LAMB4: variants seen among roughly 807,000 people sequenced by gnomAD.
LAMB4 encodes laminin subunit beta-4.
LAMB4 carries 196 observed loss-of-function variants against 199.2 expected under a neutral mutation model. The observed-to-expected ratio is 0.98, with a 90% CI of 0.88 to 1.11. The LOEUF (loss-of-function observed/expected upper bound fraction) is 1.11. LAMB4 is among the 50% of genes least tolerant of loss of function. The probability of loss-of-function intolerance (pLI) is 0.00; values close to 1 mark genes in which losing one functional copy is unlikely to be tolerated. For missense variants in LAMB4, 2,080 were observed against 2,171.2 expected, an observed-to-expected ratio of 0.96 and a Z score of 0.83; for synonymous variants, 744 against 770.6, an observed-to-expected ratio of 0.97 and a Z score of 0.57.
chr7:108,110,070 C>T (rs1166356453), intron 4 of LAMB4, among the ~76,000 whole-genome samples: 3 of 152,096 alleles, frequency 2.0e-5, no homozygotes, highest in African/African-American at 7.2e-5. Flanking sequence ...CGCTCTGTCC[C>T]CCAGACTGGA....
At position 108,095,233 on chromosome 7, in the gene LAMB4, A is replaced by G. The variant is rs758388070; in HGVS notation, c.1465T>C (p.Cys489Arg). ...AACTATAGGCAAATACATACAGTGCATTCTTCGCAGTGTGCTCCGGTGACA... is the reference window on the plus strand; with the variant it reads ...AACTATAGGCAAATACATACAGTGCGTTCTTCGCAGTGTGCTCCGGTGACA... Reference protein sequence around the residue: ...SYVTGAHCEECTVGYWGLGNH... With the variant: ...SYVTGAHCEERTVGYWGLGNH... Residue 489 changes from cysteine to arginine, a missense_variant, in exon 12 of 34, where the codon TGC (cysteine) becomes CGC (arginine). Cys to Arg is a radical substitution (Grantham distance 180). Transcript: ENST00000388781. 5 of 1,610,882 alleles carry G rather than the reference A, an allele frequency of 3.1e-6. No individual in the cohort carries two copies. In the African/African-American group the frequency reaches 4.0e-5, roughly 13 times the overall value.
At chr7:108,059,752 C>T (rs1339871314) in intron 23 of LAMB4, among the ~76,000 whole-genome samples, 1 of 150,914 alleles carries the variant, frequency 6.6e-6, no homozygotes, top group African/African-American at 2.5e-5. Flanking sequence ...AGATTTTTCT[C>T]ACAAGAGCTG....
At chr7:108,063,281 A>C (rs184787703) in intron 22 of LAMB4, among the ~76,000 whole-genome samples, 168 of 152,248 alleles carry the variant, frequency 1.1e-3, no homozygotes, top group Admixed American at 3.7e-3. Context: ...CCAAAGTTCC[A>C]TTTATTTAAA....
At chr7:108,119,757 T>A (rs1322810632) in intron 2 of LAMB4, among the ~76,000 whole-genome samples, 1 of 152,146 alleles carries the variant, frequency 6.6e-6, no homozygotes, top group Non-Finnish European at 1.5e-5. Flanking sequence ...CACGCACACA[T>A]GAGTACATGT....
In LAMB4 at chr7:108,024,000, C is replaced by A. The variant is rs1487584096; in HGVS notation, c.*39G>T. Reference sequence around the variant, plus strand: ...GCCCCAGGGGCTTGTACATCAGAAACCAGAAACAAAGGCACAAGCTTTTGC... The same window carrying A: ...GCCCCAGGGGCTTGTACATCAGAAAACAGAAACAAAGGCACAAGCTTTTGC... On this transcript the variant is annotated 3_prime_UTR_variant, in exon 34 of 34. Transcript: ENST00000388781. 6.4e-7 allele frequency: 1 copy of A among 1,560,878 alleles called. No homozygotes were observed. The highest frequency in any genetic ancestry group is 8.6e-7 in the Non-Finnish European group (1 of 1,158,156).
intron 20 of LAMB4, among the ~76,000 whole-genome samples, chr7:108,066,139 G>C (rs926165408): frequency 6.6e-6 from 1 of 152,164 alleles, no homozygotes; most frequent in Admixed American, 6.5e-5. Context: ...TGTCACATTT[G>C]AGGAACATAG....
rs1390066489 is a variant in LAMB4, at chr7:108,049,458, G to A, written c.3990C>T (p.Ser1330=). The change falls in exon 27 of 34, where the codon TCC becomes TCT. Residue 1330 remains serine (S), a synonymous_variant. Transcript: ENST00000388781. ...TTGTATTTGCAGAGGTATTAATGGT[G>A]GAACTAGTTTCATTAATTTTCTTTT... ...SAEKKINETS[S]TINTSANTRN... 1.3e-6 allele frequency: 2 copies of A among 1,593,366 alleles called. No homozygotes were observed. The highest frequency in any genetic ancestry group is 1.7e-6 in the Non-Finnish European group (2 of 1,162,194).
At chr7:108,027,398 T>A (rs1189764166) in intron 33 of LAMB4, among the ~76,000 whole-genome samples, 1 of 152,198 alleles carries the variant, frequency 6.6e-6, no homozygotes, top group African/African-American at 2.4e-5. Flanking sequence ...TCTTCTTCAC[T>A]CCCACTGCCT....
At chr7:108,028,499 T>C (rs1584580823) in intron 33 of LAMB4, among the ~76,000 whole-genome samples, 1 of 138,528 alleles carries the variant, frequency 7.2e-6, no homozygotes, top group Admixed American at 7.5e-5. Context: ...TTTTTTGAGA[T>C]GGAGTCTCAC....
At chr7:108,076,903 T>C (rs772053913) in intron 17 of LAMB4, 41 bp downstream of exon 17, 5 of 1,606,960 alleles carry the variant, frequency 3.1e-6, no homozygotes, top group Non-Finnish European at 3.4e-6. Flanking sequence ...TAACGGTGCT[T>C]AGTAGCGAAG....
chr7:108,073,355 C>T (rs1225097747), intron 17 of LAMB4, among the ~76,000 whole-genome samples: 1 of 152,212 alleles, frequency 6.6e-6, no homozygotes, highest in Non-Finnish European at 1.5e-5. Context: ...CCAGAAACTT[C>T]TAAGGACTTT....
intron 10 of LAMB4, 132 bp from the exon 11 acceptor site, chr7:108,098,714 A>T: frequency 1.4e-6 from 1 of 694,384 alleles, no homozygotes. Flanking sequence ...TAATTAGACC[A>T]CCTGGCAAGA....
intron 17 of LAMB4, among the ~76,000 whole-genome samples, 193 bp from the exon 18 acceptor site, chr7:108,070,078 G>T (rs201154843): frequency 6.6e-6 from 1 of 151,530 alleles, no homozygotes; most frequent in Admixed American, 6.6e-5. Context: ...TATATTTCTG[G>T]ACTTGTGGCT....
Position 108,047,946 on chromosome 7 carries a change from G to A in LAMB4, c.4288C>T (p.Arg1430Cys). Residue 1430 changes from arginine to cysteine, a missense_variant, in exon 28 of 34, where the codon CGT (arginine) becomes TGT (cysteine). Transcript: ENST00000388781. The stretch of plus-strand genomic sequence containing the variant: ...CCACGAACCTGTTTGTCCAAATTAC[G>A]AATAATGGATTTTGCTTCCTGGGCT... ...QKAQEAKSII[R>C]NLDKQVRGLK... is the part of the protein sequence containing the mutation. 1.2e-6 allele frequency: 2 copies of A among 1,614,034 alleles called. No individual in the cohort carries two copies. Among genetic ancestry groups the A allele is most frequent in the South Asian group, 1.1e-5 (1 of 91,072 alleles).
intron 21 of LAMB4, among the ~76,000 whole-genome samples, chr7:108,064,467 C>A (rs1037321606): frequency 6.6e-6 from 1 of 152,206 alleles, no homozygotes; most frequent in East Asian, 1.9e-4. Context: ...GTTTTCATGA[C>A]ATATGAGCCC....
intron 14 of LAMB4, among the ~76,000 whole-genome samples, chr7:108,088,184 A>C (rs2037257756): frequency 6.9e-6 from 1 of 145,252 alleles, no homozygotes; most frequent in African/African-American, 2.6e-5. Context: ...TTTTTTTGGG[A>C]GAGAGTCTCC....
chr7:108,117,604 C>G lies in LAMB4; in HGVS notation c.35-1443G>C, dbSNP rs2038452597. The stretch of plus-strand genomic sequence containing the variant: ...AGACCCCAAGTGAGGGTTCTTGAAC[C>G]TCACACAAGAAAGAATTCAGGGCGA... On this transcript the variant is annotated intron_variant, in intron 2 of 33. Coordinates refer to ENST00000388781, the MANE Select transcript of LAMB4 (RefSeq NM_007356.3). 2.6e-5 allele frequency among the ~76,000 whole-genome samples: 4 copies of G among 152,078 alleles called. No homozygotes were observed. In the South Asian group the frequency reaches 8.3e-4, roughly 32 times the overall value.
In LAMB4 at chr7:108,126,554, C is replaced by CCTTTTTT. The variant is rs780962576; in HGVS notation, c.-33-3358_-33-3357insAAAAAAG. On this transcript the variant is annotated intron_variant, in intron 1 of 33. Coordinates refer to ENST00000388781, the MANE Select transcript of LAMB4 (RefSeq NM_007356.3). Reference sequence around the variant, plus strand: ...TTGTAGGATGTGTCAGAATTTCTTTCTTTTTTTTTTTTTTTTTTTTTGAGA... The same window carrying CCTTTTTT: ...TTGTAGGATGTGTCAGAATTTCTTTCCTTTTTTTTTTTTTTTTTTTTTTTTTTTGAGA... Among the ~76,000 whole-genome samples, 610 of 83,522 alleles carry CCTTTTTT rather than the reference C, an allele frequency of 7.3e-3. 23 individuals carry two copies. The highest frequency in any genetic ancestry group is 0.029 in the African/African-American group (569 of 19,826). The allele number at this position is 83,522 out of a possible 152,430, so 54.8% of individuals were successfully genotyped here. A position where few individuals can be genotyped will look rare whatever the true frequency, so the allele number is the denominator to read the frequency against.
chr7:108,104,296 CTT>C (rs2037921279), intron 9 of LAMB4, among the ~76,000 whole-genome samples: 3 of 150,282 alleles, frequency 2.0e-5, no homozygotes, highest in African/African-American at 7.3e-5. Flanking sequence ...TAAAGTTAAA[CTT>C]AATTTGTGGT....
Sources: allele counts gnomAD v4.1 joint callset (sites outside exome capture counted in the v4.1 genomes callset), GRCh38; gene constraint gnomAD v4.1.1; transcripts MANE v1.5; gene names NCBI Gene and HGNC (gene_info 2026-07-23, HGNC 2026-07-21).